SSBP3: variants seen among roughly 807,000 people sequenced by gnomAD.
SSBP3 encodes the protein single-stranded DNA-binding protein 3.
A neutral mutation model predicts 69.6 loss-of-function variants in SSBP3; 5 were observed. The ratio of observed to expected loss-of-function variants is 0.07; its 90% CI spans 0.04 to 0.15. The LOEUF is 0.15. Ranked by LOEUF, SSBP3 falls within the 10% of genes least tolerant of loss-of-function variation. The pLI, the probability that SSBP3 is intolerant of heterozygous loss-of-function variation, is 1.00. For missense variants in SSBP3, 312 were observed against 534.0 expected, an observed-to-expected ratio of 0.58 and a Z score of 4.10; for synonymous variants, 196 against 193.4, an observed-to-expected ratio of 1.01 and a Z score of -0.11.
At position 54,281,418 on chromosome 1, in the gene SSBP3, C is replaced by T. The variant is rs753617283; in HGVS notation, c.366+20G>A. 58 of 1,543,262 alleles carry T rather than the reference C, an allele frequency of 3.8e-5. 3 individuals carry two copies. The South Asian group carries it at 7.0e-4, about 19-fold the overall frequency. ...CTGGAATACAAGGTGGAGCACAAGACCCACGGGCCCCGCACGTACCTGAAA... is the reference window on the plus strand; with the variant it reads ...CTGGAATACAAGGTGGAGCACAAGATCCACGGGCCCCGCACGTACCTGAAA... On this transcript the variant is annotated intron_variant, in intron 5 of 17. Coordinates refer to ENST00000610401, the Ensembl canonical transcript of SSBP3.
chr1:54,248,701 T>C (rs1644774257), intron 9 of SSBP3, among the ~76,000 whole-genome samples: 1 of 152,106 alleles, frequency 6.6e-6, no homozygotes, highest in Non-Finnish European at 1.5e-5. Flanking sequence ...ACCATCAACC[T>C]TGTCTGGGCC....
intron 4 of SSBP3, among the ~76,000 whole-genome samples, chr1:54,339,196 G>A (rs529920185): frequency 6.6e-6 from 1 of 152,308 alleles, no homozygotes; most frequent in South Asian, 2.1e-4. Flanking sequence ...ATAGGAAATG[G>A]GGGAGAAGGG....
chr1:54,379,439 C>T (rs1350811840), intron 4 of SSBP3, among the ~76,000 whole-genome samples: 4 of 152,220 alleles, frequency 2.6e-5, no homozygotes, highest in African/African-American at 9.6e-5. Flanking sequence ...CAGGTGAGGT[C>T]GACCAGGCTC....
At chr1:54,385,089 C>T (rs1314539367) in intron 4 of SSBP3, among the ~76,000 whole-genome samples, 2 of 152,212 alleles carry the variant, frequency 1.3e-5, no homozygotes, top group Admixed American at 6.5e-5. Flanking sequence ...AGTAGGAAGT[C>T]ATCCTGAGCG....
chr1:54,341,789 T>C (rs1195148713), intron 4 of SSBP3, among the ~76,000 whole-genome samples: 1 of 148,006 alleles, frequency 6.8e-6, no homozygotes. Flanking sequence ...CCGGACAGGG[T>C]CCCTAGGAAG....
At chr1:54,392,216 T>C (rs1648549801) in intron 4 of SSBP3, among the ~76,000 whole-genome samples, 2 of 151,954 alleles carry the variant, frequency 1.3e-5, no homozygotes, top group Admixed American at 6.5e-5. Flanking sequence ...GCACAACATG[T>C]GGTGGGGAAA....
intron 4 of SSBP3, among the ~76,000 whole-genome samples, chr1:54,396,131 G>A (rs1648846919): frequency 6.8e-6 from 1 of 146,836 alleles, no homozygotes; most frequent in Admixed American, 6.8e-5. Context: ...GGCGGAGGCT[G>A]CAGTGAGCCA....
At chr1:54,365,452 A>T (rs1038408013) in intron 4 of SSBP3, among the ~76,000 whole-genome samples, 1 of 152,150 alleles carries the variant, frequency 6.6e-6, no homozygotes, top group Non-Finnish European at 1.5e-5. Flanking sequence ...TGACAGTAAT[A>T]CTCTACTATT....
intron 4 of SSBP3, among the ~76,000 whole-genome samples, chr1:54,347,180 C>T (rs910202245): frequency 1.3e-5 from 2 of 152,078 alleles, no homozygotes; most frequent in Admixed American, 6.5e-5. Flanking sequence ...GTTAACCAAG[C>T]CAGTCTTGAA....
At chr1:54,354,492 A>G (rs1455297335) in intron 4 of SSBP3, among the ~76,000 whole-genome samples, 1 of 152,112 alleles carries the variant, frequency 6.6e-6, no homozygotes, top group Non-Finnish European at 1.5e-5. Flanking sequence ...GAGCCCCAGG[A>G]GGGTACACAC....
intron 14 of SSBP3, among the ~76,000 whole-genome samples, chr1:54,231,701 T>A (rs528360189): frequency 1.4e-4 from 21 of 152,312 alleles, no homozygotes; most frequent in South Asian, 6.2e-4. Flanking sequence ...TATTATTTTT[T>A]AATTTATTTT....
chr1:54,245,847 A>T (rs1397742646), intron 9 of SSBP3, among the ~76,000 whole-genome samples: 1 of 152,250 alleles, frequency 6.6e-6, no homozygotes, highest in Non-Finnish European at 1.5e-5. Flanking sequence ...GACTTTGGGC[A>T]AATTACCAAA....
chr1:54,338,380 T>A (rs529021156), intron 4 of SSBP3, among the ~76,000 whole-genome samples: 29 of 152,340 alleles, frequency 1.9e-4, no homozygotes, highest in African/African-American at 7.0e-4. Flanking sequence ...TGGGAAAAGA[T>A]CTAGCATGTA....
At chr1:54,374,338 AGAC>A (rs1647182417) in intron 4 of SSBP3, among the ~76,000 whole-genome samples, 1 of 152,188 alleles carries the variant, frequency 6.6e-6, no homozygotes, top group South Asian at 2.1e-4. Flanking sequence ...GGCTCCGGGA[AGAC>A]GACTCTGAGC....
chr1:54,381,407 A>AAG (rs397962897), intron 4 of SSBP3, among the ~76,000 whole-genome samples: 1 of 147,484 alleles, frequency 6.8e-6, no homozygotes, highest in South Asian at 2.2e-4. Context: ...AAAAAAAAAA[A>AAG]GAGAGAGAGA....
At chr1:54,256,659 C>G (rs1427407594) in intron 7 of SSBP3, among the ~76,000 whole-genome samples, 11 of 152,178 alleles carry the variant, frequency 7.2e-5, no homozygotes, top group Non-Finnish European at 1.0e-4. Context: ...GGCTCCTGAT[C>G]TAAGCATTCC....
chr1:54,306,523 G>A (rs990471981), intron 4 of SSBP3, among the ~76,000 whole-genome samples: 1 of 152,216 alleles, frequency 6.6e-6, no homozygotes, highest in East Asian at 1.9e-4. Context: ...CCTTGGCTGA[G>A]TGGGAAAGCC....
intron 4 of SSBP3, among the ~76,000 whole-genome samples, chr1:54,292,043 T>C (rs1056192110): frequency 3.3e-5 from 5 of 152,138 alleles, no homozygotes; most frequent in Non-Finnish European, 7.4e-5. Context: ...TGAGTAGCAA[T>C]GGCTGGGCCT....
At chr1:54,235,890 G>A (rs1445633818) in intron 14 of SSBP3, among the ~76,000 whole-genome samples, 2 of 152,150 alleles carry the variant, frequency 1.3e-5, no homozygotes, top group African/African-American at 4.8e-5. Context: ...TTTTAATGAA[G>A]AAATTGATAA....
Sources: gnomAD v4.1 joint callset for allele counts (sites outside exome capture counted in the v4.1 genomes callset) on GRCh38, gnomAD v4.1.1 for gene constraint, MANE v1.5 for transcripts, NCBI Gene and HGNC (gene_info 2026-07-23, HGNC 2026-07-21) for gene names.